The following EDA variants were observed in gnomAD, a reference collection of about 807,000 sequenced individuals.
EDA encodes the protein ectodysplasin A.
A neutral mutation model predicts 23.6 loss-of-function variants in EDA; 2 were observed. The ratio of observed to expected loss-of-function variants is 0.08; its 90% confidence interval spans 0.03 to 0.27. EDA has a LOEUF of 0.27. EDA is among the 10% of genes least tolerant of loss of function. The pLI is 1.00. For synonymous variants in EDA, 131 were observed against 132.0 expected, an observed-to-expected ratio of 0.99 and a Z score of 0.05; for missense variants, 229 against 324.2, an observed-to-expected ratio of 0.71 and a Z score of 2.26.
chrX:69,922,928 T>G, intron 1 of EDA, among the ~76,000 whole-genome samples: 1 of 110,696 alleles, frequency 9.0e-6, no homozygotes, highest in Non-Finnish European at 1.9e-5. Flanking sequence ...TTTTATTCTT[T>G]TTCATTCTTC....
intron 1 of EDA, among the ~76,000 whole-genome samples, chrX:69,683,101 G>A (rs1934429882): frequency 9.0e-6 from 1 of 110,918 alleles, no homozygotes; most frequent in Non-Finnish European, 1.9e-5. Context: ...CTACTTCATA[G>A]AGGTGTTTTG....
intron 1 of EDA, among the ~76,000 whole-genome samples, chrX:69,663,079 G>A (rs1220106303): frequency 2.7e-5 from 3 of 112,377 alleles, no homozygotes. Flanking sequence ...ATTTGTAGCT[G>A]GATGATGCGA....
At chrX:69,749,819 T>C (rs2013754229) in intron 1 of EDA, 1 of 109,949 alleles carries the variant, frequency 9.1e-6, no homozygotes, top group Non-Finnish European at 1.9e-5. Flanking sequence ...GACATAGGAC[T>C]AATAGGATTT....
chrX:70,010,972 G>A (rs1419625659), intron 2 of EDA, among the ~76,000 whole-genome samples: 1 of 112,015 alleles, frequency 8.9e-6, no homozygotes, highest in Non-Finnish European at 1.9e-5. Flanking sequence ...TTCAAGATGA[G>A]ATTTGGATTG....
intron 3 of EDA, 122 bp from the exon 4 acceptor site, chrX:70,027,735 A>G: frequency 2.1e-6 from 1 of 471,445 alleles, no homozygotes; most frequent in Non-Finnish European, 3.8e-6. Context: ...AGGCAGGAGA[A>G]TCGCTTGAAC....
At chrX:69,682,428 C>T (rs1220118968) in intron 1 of EDA, among the ~76,000 whole-genome samples, 7 of 112,285 alleles carry the variant, frequency 6.2e-5, no homozygotes, top group African/African-American at 2.3e-4. Flanking sequence ...GCCTCGCTGC[C>T]ACCTTGCAGT....
chrX:69,812,959 A>G (rs931730207), intron 1 of EDA, among the ~76,000 whole-genome samples: 3 of 111,656 alleles, frequency 2.7e-5, no homozygotes, highest in Non-Finnish European at 5.6e-5. Context: ...TCTCCAGATG[A>G]TGAAACTGTG....
chrX:69,819,898 C>CAAAAAAAA (rs61374631), intron 1 of EDA, among the ~76,000 whole-genome samples: 1 of 46,614 alleles, frequency 2.1e-5, no homozygotes, highest in Non-Finnish European at 4.5e-5. Context: ...CATGTGGAAG[C>CAAAAAAAA]AAAAAAAAAA....
At position 70,009,195 on chromosome X, in the gene EDA, A is replaced by T. The variant is rs1434776615; in HGVS notation, c.503-14023A>T. Reference sequence around the variant, plus strand: ...ACTCTTTCTTGGTAGGAGTTTGTCAATTTTTTTGATCTGGGAACCAGCTTT... The same window carrying T: ...ACTCTTTCTTGGTAGGAGTTTGTCATTTTTTTTGATCTGGGAACCAGCTTT... On this transcript the variant is annotated intron_variant, in intron 2 of 7. Coordinates refer to ENST00000374552, the MANE Select transcript of EDA (RefSeq NM_001399.5). 3.6e-5 allele frequency among the ~76,000 whole-genome samples: 4 copies of T among 111,453 alleles called. No homozygotes were observed. In the East Asian group the frequency reaches 8.5e-4, roughly 24 times the overall value.
At position 69,843,342 on chromosome X, in the gene EDA, A is replaced by G. The variant is rs142884644; in HGVS notation, c.397-113685A>G. ...AGCAGATGAATATATCTGTCATCTC[A>G]TTGTTACTTGTTATGTGTGACAAGA... is the stretch of plus-strand genomic sequence containing the variant. On this transcript the variant is annotated intron_variant, in intron 1 of 7. Coordinates refer to ENST00000374552, the MANE Select transcript of EDA (RefSeq NM_001399.5). Among the ~76,000 whole-genome samples, 31 of 112,140 alleles carry G rather than the reference A, an allele frequency of 2.8e-4. No individual in the cohort carries two copies. In the East Asian group the frequency reaches 8.7e-3, roughly 31 times the overall value.
chrX:69,759,672 GAAC>G (rs1423850937), intron 1 of EDA, among the ~76,000 whole-genome samples: 1 of 111,463 alleles, frequency 9.0e-6, no homozygotes, highest in South Asian at 3.8e-4. Context: ...TATGGAATGA[GAAC>G]AATAAGTGAG....
intron 1 of EDA, among the ~76,000 whole-genome samples, chrX:69,765,128 ACT>A (rs1343226339): frequency 9.0e-6 from 1 of 111,441 alleles, no homozygotes; most frequent in Non-Finnish European, 1.9e-5. Context: ...GATCTCAAGC[ACT>A]CTCTCAAAAA....
chrX:69,751,901 G>A (rs747638450), intron 1 of EDA, among the ~76,000 whole-genome samples: 116 of 109,783 alleles, frequency 1.1e-3, no homozygotes, highest in African/African-American at 3.8e-3. Context: ...TTATAGGAAT[G>A]CTTGTGGCTT....
intron 1 of EDA, among the ~76,000 whole-genome samples, chrX:69,709,518 T>G (rs1430468890): frequency 9.0e-6 from 1 of 111,677 alleles, no homozygotes; most frequent in African/African-American, 3.3e-5. Context: ...ACTCAGGATA[T>G]AAAAACAGTT....
chrX:69,947,295 G>A (rs1458852310), intron 1 of EDA, among the ~76,000 whole-genome samples: 2 of 112,406 alleles, frequency 1.8e-5, no homozygotes, highest in East Asian at 2.8e-4. Context: ...CTTTCTATAT[G>A]ACATACATAC....
At chrX:69,728,801 G>A (rs180831957) in intron 1 of EDA, among the ~76,000 whole-genome samples, 1 of 111,222 alleles carries the variant, frequency 9.0e-6, no homozygotes. Context: ...TAAGAGGAAT[G>A]ATAGAGGTAC....
chrX:69,861,636 A>G (rs769611418), intron 1 of EDA, among the ~76,000 whole-genome samples: 1 of 112,075 alleles, frequency 8.9e-6, no homozygotes, highest in African/African-American at 3.2e-5. Context: ...TGCTCTCTAT[A>G]AGACACTCAT....
chrX:69,621,078 T>A (rs991892604), intron 1 of EDA: 2 of 228,220 alleles, frequency 8.8e-6, no homozygotes, highest in Non-Finnish European at 1.6e-5. Flanking sequence ...GCAAAAAGCT[T>A]CCTGTAATAT....
intron 2 of EDA, among the ~76,000 whole-genome samples, chrX:70,002,240 T>C (rs2019749861): frequency 9.1e-6 from 1 of 110,123 alleles, no homozygotes; most frequent in Non-Finnish European, 1.9e-5. Flanking sequence ...AGCAGGGGCC[T>C]GAAAACTAAC....
Sources: allele counts gnomAD v4.1 joint callset (sites outside exome capture counted in the v4.1 genomes callset), GRCh38; gene constraint gnomAD v4.1.1; transcripts MANE v1.5; gene names NCBI Gene and HGNC (gene_info 2026-07-23, HGNC 2026-07-21).